BBX: variants seen among roughly 807,000 people sequenced by gnomAD.
BBX encodes the protein HMG box transcription factor BBX.
Under a neutral mutation model 100.2 loss-of-function variants are expected in BBX, and 30 were observed. The observed-to-expected ratio is 0.30, with a 90% CI of 0.22 to 0.41. The LOEUF (loss-of-function observed/expected upper bound fraction) is 0.41, where lower values mean the gene tolerates loss of function less well. Among genes scored for constraint, BBX ranks in the 10% least tolerant of loss-of-function variants. BBX has a pLI of 1.00. For synonymous variants in BBX, 376 were observed against 388.1 expected, an observed-to-expected ratio of 0.97 and a Z score of 0.37; for missense variants, 1,023 against 1,129.8, an observed-to-expected ratio of 0.91 and a Z score of 1.35.
chr3:107,667,364 G>A (rs2058804976), intron 3 of BBX, among the ~76,000 whole-genome samples: 1 of 151,908 alleles, frequency 6.6e-6, no homozygotes, highest in South Asian at 2.1e-4. Flanking sequence ...ATTTAGACAG[G>A]CTTGAAAGTG....
At chr3:107,774,912 G>A (rs2067204197) in intron 12 of BBX, 55 bp downstream of exon 12, 1 of 1,577,454 alleles carries the variant, frequency 6.3e-7, no homozygotes, top group Non-Finnish European at 8.6e-7. Flanking sequence ...GTGTGGGTGG[G>A]ATTTTCAAGG....
intron 7 of BBX, among the ~76,000 whole-genome samples, chr3:107,737,748 A>C (rs1003836275): frequency 2.0e-5 from 3 of 152,160 alleles, no homozygotes; most frequent in Non-Finnish European, 2.9e-5. Flanking sequence ...AATCACATTG[A>C]TTTTCGTTTG....
chr3:107,593,617 A>T (rs1321421512), intron 2 of BBX, among the ~76,000 whole-genome samples: 2 of 152,182 alleles, frequency 1.3e-5, no homozygotes, highest in African/African-American at 4.8e-5. Flanking sequence ...GGTAATGGGG[A>T]AACCAGATCT....
chr3:107,589,974 A>AT (rs970307889), intron 2 of BBX, among the ~76,000 whole-genome samples: 1 of 151,454 alleles, frequency 6.6e-6, no homozygotes, highest in South Asian at 2.1e-4. Context: ...TGGTACTTTC[A>AT]TTTTTTTTAT....
intron 7 of BBX, among the ~76,000 whole-genome samples, chr3:107,744,369 C>G (rs1280231772): frequency 6.6e-6 from 1 of 152,154 alleles, no homozygotes; most frequent in Non-Finnish European, 1.5e-5. Context: ...ATCCTTCCCT[C>G]TCTAACATTC....
At chr3:107,591,540 T>A (rs898624781) in intron 2 of BBX, among the ~76,000 whole-genome samples, 6 of 152,210 alleles carry the variant, frequency 3.9e-5, no homozygotes, top group Admixed American at 2.6e-4. Context: ...CACACTGGAG[T>A]GCGGTAACGC....
chr3:107,598,091 A>G (rs9288851), intron 2 of BBX, among the ~76,000 whole-genome samples: 19,096 of 152,236 alleles, frequency 0.13, 1,436 homozygotes, highest in Middle Eastern at 0.18. Context: ...TATCCTTTGG[A>G]AAACCATGTG....
chr3:107,611,578 T>G (rs896977307), intron 2 of BBX, among the ~76,000 whole-genome samples: 1 of 152,204 alleles, frequency 6.6e-6, no homozygotes. Context: ...CTTGTGAGGT[T>G]TCCACTGAAA....
chr3:107,703,732 T>G, intron 3 of BBX, among the ~76,000 whole-genome samples: 1 of 152,228 alleles, frequency 6.6e-6, no homozygotes, highest in Non-Finnish European at 1.5e-5. Context: ...AATGAGATAT[T>G]TTTCATGTAC....
intron 2 of BBX, among the ~76,000 whole-genome samples, chr3:107,624,133 T>C (rs536818389): frequency 6.6e-6 from 1 of 152,312 alleles, no homozygotes; most frequent in South Asian, 2.1e-4. Flanking sequence ...CCGAGAAAGC[T>C]TCTCAACCCT....
intron 6 of BBX, among the ~76,000 whole-genome samples, chr3:107,731,552 TTGTC>T (rs1364293036): frequency 1.3e-5 from 2 of 152,158 alleles, no homozygotes; most frequent in Non-Finnish European, 2.9e-5. Flanking sequence ...TAGCTACTGT[TTGTC>T]TGTGTATTCT....
At chr3:107,751,430 C>T (rs1347441783) in intron 9 of BBX, among the ~76,000 whole-genome samples, 1 of 152,134 alleles carries the variant, frequency 6.6e-6, no homozygotes, top group Non-Finnish European at 1.5e-5. Context: ...TAGATTTTCT[C>T]TTGAAAATGG....
In BBX at chr3:107,729,103, T is replaced by C. The variant is rs989858437; in HGVS notation, c.601+143T>C. The C allele has an allele frequency of 1.1e-5, 9 of 812,262 alleles. No homozygotes were observed. The South Asian group carries it at 1.6e-4, about 15-fold the overall frequency. The allele number at this position is 812,262 out of a possible 1,614,324, so 50.3% of individuals were successfully genotyped here. On this transcript the variant is annotated intron_variant, in intron 6 of 17. Transcript: ENST00000325805. ...AAAGATATAGCATATTTTCAAGCAT[T>C]GGATCATGATATATATAGAATACAG...
At chr3:107,749,248 T>C (rs1473184974) in intron 9 of BBX, among the ~76,000 whole-genome samples, 2 of 152,228 alleles carry the variant, frequency 1.3e-5, no homozygotes, top group African/African-American at 4.8e-5. Context: ...ATTTTCACTG[T>C]CTAGGGGAAG....
intron 2 of BBX, among the ~76,000 whole-genome samples, chr3:107,639,135 T>A (rs1443215240): frequency 1.3e-5 from 2 of 151,728 alleles, no homozygotes. Flanking sequence ...AATTGATAAT[T>A]AATGACTTCC....
chr3:107,665,812 A>G (rs1242772799), intron 3 of BBX, among the ~76,000 whole-genome samples: 1 of 151,984 alleles, frequency 6.6e-6, no homozygotes, highest in Non-Finnish European at 1.5e-5. Context: ...CTCACACTCT[A>G]GTTACCATCT....
In BBX at chr3:107,696,106, G is replaced by T. The variant is rs62262029; in HGVS notation, c.-9-14346G>T. On this transcript the variant is annotated intron_variant, in intron 3 of 17. Transcript: ENST00000325805. ...TATGTGTGTCTCTGCCCGTGAGATG[G>T]GTTTCCTGAATATAGCACACTGATG... Among the ~76,000 whole-genome samples the T allele has an allele frequency of 1.5e-3, 229 of 151,758 alleles. 1 individual carries two copies. Among genetic ancestry groups the T allele is most frequent in the Non-Finnish European group, 2.7e-3 (185 of 68,018 alleles).
chr3:107,604,592 T>A, intron 2 of BBX, among the ~76,000 whole-genome samples: 1 of 152,162 alleles, frequency 6.6e-6, no homozygotes, highest in East Asian at 1.9e-4. Flanking sequence ...CTTCTGTTAT[T>A]GGTGGCCAAG....
At chr3:107,746,598 TACTC>T (rs1346183713) in intron 8 of BBX, among the ~76,000 whole-genome samples, 1 of 152,134 alleles carries the variant, frequency 6.6e-6, no homozygotes, top group Non-Finnish European at 1.5e-5. Flanking sequence ...TACAATTAAT[TACTC>T]AGTCAGTCTC....
Sources: allele counts gnomAD v4.1 joint callset (sites outside exome capture counted in the v4.1 genomes callset), GRCh38; gene constraint gnomAD v4.1.1; transcripts MANE v1.5; gene names NCBI Gene and HGNC (gene_info 2026-07-23, HGNC 2026-07-21).